The following OR3A2 variants were observed in gnomAD, a reference collection of about 807,000 sequenced individuals.
OR3A2 encodes olfactory receptor family 3 subfamily A member 2.
For synonymous variants in OR3A2, 126 were observed against 159.3 expected (o/e 0.79, Z 1.57); for missense variants, 318 against 392.8 (o/e 0.81, Z 1.61).
intron 2 of OR3A2, among the ~76,000 whole-genome samples, chr17:3,361,573 A>G (rs2049516847): frequency 6.6e-6 from 1 of 151,634 alleles, no homozygotes; most frequent in Admixed American, 6.6e-5. Context: ...AGCTCTTATT[A>G]TTTTGAGATA....
intron 3 of OR3A2, among the ~76,000 whole-genome samples, chr17:3,334,895 G>A (rs193094751): frequency 6.6e-5 from 10 of 152,270 alleles, no homozygotes; most frequent in East Asian, 5.8e-4. Flanking sequence ...TTTAATATGA[G>A]ATGAATATTT....
intron 2 of OR3A2, among the ~76,000 whole-genome samples, chr17:3,359,535 T>C (rs1170775950): frequency 6.6e-6 from 1 of 151,800 alleles, no homozygotes; most frequent in East Asian, 1.9e-4. Flanking sequence ...CTTAGGAAAC[T>C]TAGTTTGGCT....
chr17:3,339,733 CTT>C (rs1243993190), intron 2 of OR3A2, among the ~76,000 whole-genome samples: 2 of 151,912 alleles, frequency 1.3e-5, no homozygotes, highest in Admixed American at 1.3e-4. Flanking sequence ...GTCTAAAATT[CTT>C]TTTTTGTTGT....
At chr17:3,276,115 A>G (rs1264092737), downstream of OR3A2, among the ~76,000 whole-genome samples, 1 of 150,964 alleles carries the variant, frequency 6.6e-6, no homozygotes, top group Non-Finnish European at 1.5e-5. Context: ...AGAAAAAAAA[A>G]GAAAAAAAAA....
At chr17:3,332,427 G>T (rs367887455) in intron 3 of OR3A2, among the ~76,000 whole-genome samples, 1 of 152,154 alleles carries the variant, frequency 6.6e-6, no homozygotes, top group Non-Finnish European at 1.5e-5. Context: ...GCTGCAGTCC[G>T]AAAAGCGCAA....
chr17:3,350,986 T>C (rs1487977722), intron 2 of OR3A2, among the ~76,000 whole-genome samples: 37 of 151,898 alleles, frequency 2.4e-4, no homozygotes, highest in African/African-American at 6.3e-4. Context: ...TTCAACAACC[T>C]TTCATGCTAA....
At chr17:3,341,212 CTT>C (rs1381744543) in intron 2 of OR3A2, among the ~76,000 whole-genome samples, 3 of 152,138 alleles carry the variant, frequency 2.0e-5, no homozygotes, top group Admixed American at 1.3e-4. Flanking sequence ...GGTCTTGACT[CTT>C]TATTCAATTT....
At chr17:3,309,324 T>C (rs954316846) in intron 3 of OR3A2, among the ~76,000 whole-genome samples, 2 of 152,172 alleles carry the variant, frequency 1.3e-5, no homozygotes, top group African/African-American at 2.4e-5. Flanking sequence ...ATCAGATAAA[T>C]AGCATGTGTG....
At position 3,346,720 on chromosome 17, in the gene OR3A2, C is replaced by T. The variant is rs191409111; in HGVS notation, c.-178-10594G>A. ...CCAACTGTCCTTCCCAGCCTCTGCT[C>T]TTCTACTCACTATGGTTATGAGGTC... On this transcript the variant is annotated intron_variant, in intron 2 of 4. Transcript: ENST00000573491. Among the ~76,000 whole-genome samples, 606 of 151,988 alleles carry T rather than the reference C, an allele frequency of 4.0e-3. 3 individuals carry two copies. Among genetic ancestry groups the T allele is most frequent in the African/African-American group, 0.013 (535 of 41,472 alleles).
chr17:3,340,720 C>T (rs2049309585), intron 2 of OR3A2, among the ~76,000 whole-genome samples: 1 of 140,828 alleles, frequency 7.1e-6, no homozygotes, highest in South Asian at 2.4e-4. Flanking sequence ...CAATGTGGTG[C>T]TGAGAAGAAT....
intron 3 of OR3A2, among the ~76,000 whole-genome samples, chr17:3,323,438 G>A (rs1468091516): frequency 6.6e-6 from 1 of 152,034 alleles, no homozygotes; most frequent in Admixed American, 6.6e-5. Context: ...ACTTGATGCA[G>A]TTTCTTCCTA....
At chr17:3,304,243 C>T (rs572925614) in intron 3 of OR3A2, among the ~76,000 whole-genome samples, 1 of 152,248 alleles carries the variant, frequency 6.6e-6, no homozygotes, top group South Asian at 2.1e-4. Flanking sequence ...AGAGTTTTCT[C>T]TCATGCACAC....
intron 3 of OR3A2, among the ~76,000 whole-genome samples, chr17:3,325,749 T>G (rs1169023509): frequency 6.6e-6 from 1 of 152,076 alleles, no homozygotes; most frequent in African/African-American, 2.4e-5. Flanking sequence ...AGGTAAGATA[T>G]ACATGTAAAA....
intron 3 of OR3A2, among the ~76,000 whole-genome samples, chr17:3,304,514 G>A (rs7210600): frequency 0.15 from 23,284 of 152,172 alleles, 2,374 homozygotes; most frequent in African/African-American, 0.29. Flanking sequence ...AGGATTCACC[G>A]TCCTGCCCTG....
chr17:3,364,587 A>G (rs551237423), intron 2 of OR3A2, among the ~76,000 whole-genome samples: 1 of 152,344 alleles, frequency 6.6e-6, no homozygotes, highest in African/African-American at 2.4e-5. Context: ...TAGAATGGCT[A>G]TTATCAAAAA....
intron 2 of OR3A2, among the ~76,000 whole-genome samples, chr17:3,360,214 G>T (rs2049499614): frequency 6.6e-6 from 1 of 151,760 alleles, no homozygotes; most frequent in Admixed American, 6.6e-5. Context: ...CTGCATAAAT[G>T]TCTTCTTTTG....
At chr17:3,290,167 G>A (rs2048852588) in intron 3 of OR3A2, among the ~76,000 whole-genome samples, 1 of 152,082 alleles carries the variant, frequency 6.6e-6, no homozygotes, top group Non-Finnish European at 1.5e-5. Flanking sequence ...TAGAGAAGAC[G>A]GACTACAATG....
At chr17:3,312,683 G>A (rs1041448131) in intron 3 of OR3A2, among the ~76,000 whole-genome samples, 4 of 152,130 alleles carry the variant, frequency 2.6e-5, no homozygotes, top group Non-Finnish European at 4.4e-5. Flanking sequence ...GGAGTGCAGC[G>A]GCACGATCTT....
chr17:3,295,326 GGA>G (rs1329440097), intron 3 of OR3A2, among the ~76,000 whole-genome samples: 2 of 151,922 alleles, frequency 1.3e-5, no homozygotes, highest in Non-Finnish European at 2.9e-5. Flanking sequence ...ACATGGTATA[GGA>G]GAGAGAGAAA....
Sources: allele counts gnomAD v4.1 joint callset (sites outside exome capture counted in the v4.1 genomes callset), GRCh38; gene constraint gnomAD v4.1.1; transcripts MANE v1.5; gene names NCBI Gene and HGNC (gene_info 2026-07-23, HGNC 2026-07-21).